Variants in SNTB2 observed in about 807,000 individuals in gnomAD.
The protein encoded by SNTB2 is beta-2-syntrophin.
In SNTB2, 34 loss-of-function variants were observed where a neutral mutation model predicts 46.2. The observed-to-expected ratio is 0.74, with a 90% CI of 0.56 to 0.98. The LOEUF (loss-of-function observed/expected upper bound fraction) is 0.98. Among genes scored for constraint, SNTB2 ranks in the 50% least tolerant of loss-of-function variants. The pLI is 0.00. For synonymous variants in SNTB2, 290 were observed against 312.6 expected (o/e 0.93, Z 0.76); for missense variants, 603 against 731.4 (o/e 0.82, Z 2.02).
chr16:69,254,806 G>A (rs1265824302), intron 2 of SNTB2, among the ~76,000 whole-genome samples: 1 of 152,082 alleles, frequency 6.6e-6, no homozygotes, highest in Non-Finnish European at 1.5e-5. Context: ...GTGAGACCCT[G>A]TCTCTACAAA....
intron 5 of SNTB2, among the ~76,000 whole-genome samples, chr16:69,291,095 C>T (rs901142335): frequency 1.3e-5 from 2 of 152,078 alleles, no homozygotes; most frequent in African/African-American, 4.8e-5. Context: ...TTTCTGTGAC[C>T]CTGGGCATGA....
intron 1 of SNTB2, among the ~76,000 whole-genome samples, chr16:69,238,562 A>G (rs925713744): frequency 5.9e-5 from 9 of 152,194 alleles, no homozygotes; most frequent in Non-Finnish European, 1.3e-4. Flanking sequence ...TTTTTAGCCT[A>G]CACCCATTTC....
intron 1 of SNTB2, among the ~76,000 whole-genome samples, chr16:69,244,945 TAGA>T (rs1964655009): frequency 1.3e-5 from 2 of 152,088 alleles, no homozygotes; most frequent in South Asian, 4.1e-4. Context: ...TGAATGGAAA[TAGA>T]AATACTTAGC....
At chr16:69,278,101 G>C (rs1346046009) in intron 4 of SNTB2, among the ~76,000 whole-genome samples, 1 of 152,188 alleles carries the variant, frequency 6.6e-6, no homozygotes, top group African/African-American at 2.4e-5. Flanking sequence ...AGGATCACTT[G>C]AGCTCAGGAG....
intron 1 of SNTB2, among the ~76,000 whole-genome samples, chr16:69,220,299 C>T (rs1473527725): frequency 1.3e-5 from 2 of 149,656 alleles, no homozygotes; most frequent in African/African-American, 4.9e-5. Flanking sequence ...GTAGCTGGGA[C>T]TACAGGCGCC....
chr16:69,289,504 A>G (rs1383444015), intron 5 of SNTB2, among the ~76,000 whole-genome samples: 1 of 152,208 alleles, frequency 6.6e-6, no homozygotes, highest in Non-Finnish European at 1.5e-5. Context: ...AATGTTCCCA[A>G]CATATAGAAT....
Position 69,187,206 on chromosome 16 carries a change from C to A in SNTB2, c.40C>A (p.Pro14Thr), listed in dbSNP as rs1317999359. 1.4e-6 allele frequency: 2 copies of A among 1,409,862 alleles called. No homozygotes were observed. Among genetic ancestry groups the A allele is most frequent in the Non-Finnish European group, 1.8e-6 (2 of 1,081,190 alleles). The allele number at this position is 1,409,862 out of a possible 1,614,324, so 87.3% of individuals were successfully genotyped here. A position where few individuals can be genotyped will look rare whatever the true frequency, so the allele number is the denominator to read the frequency against. Reference protein sequence around the residue: ...AAATAAAGAGPAMAVWTRATK... With the variant: ...AAATAAAGAGTAMAVWTRATK... ...GGCGACTGCGGCGGCTGGAGCGGGGCCGGCCATGGCGGTGTGGACGCGGGC... is the reference window on the plus strand; with the variant it reads ...GGCGACTGCGGCGGCTGGAGCGGGGACGGCCATGGCGGTGTGGACGCGGGC... The change falls in exon 1 of 7, where the codon CCG (proline) becomes ACG (threonine). Residue 14 changes from proline (P) to threonine (T), a missense_variant. Pro to Thr is a conservative substitution (Grantham distance 38). Coordinates refer to ENST00000336278, the MANE Select transcript of SNTB2 (RefSeq NM_006750.4).
chr16:69,269,242 G>C (rs1291469946), intron 3 of SNTB2, among the ~76,000 whole-genome samples: 3 of 151,092 alleles, frequency 2.0e-5, no homozygotes, highest in Non-Finnish European at 4.4e-5. Context: ...AGATGGGCCA[G>C]GCATGGTGGC....
intron 2 of SNTB2, among the ~76,000 whole-genome samples, chr16:69,253,960 CTGTAG>C (rs908437033): frequency 1.3e-5 from 2 of 152,094 alleles, no homozygotes; most frequent in African/African-American, 4.8e-5. Context: ...TGATTCCTAT[CTGTAG>C]TGCTAAGTAG....
At chr16:69,208,998 G>GTGTGTGTGTGTGTGTGT (rs1567397581) in intron 1 of SNTB2, among the ~76,000 whole-genome samples, 3 of 152,040 alleles carry the variant, frequency 2.0e-5, no homozygotes, top group African/African-American at 7.3e-5. Context: ...GTGTTTTTGA[G>GTGTGTGTGTGTGTGTGT]ATGGAGTCTC....
rs57637291 is a variant in SNTB2 at position 69,279,515 on chromosome 16, C to CTTTTTTTTTTTTTTTTTTTT, written c.1149-4524_1149-4505dup. On this transcript the variant is annotated intron_variant, in intron 4 of 6. Coordinates refer to ENST00000336278, the MANE Select transcript of SNTB2 (RefSeq NM_006750.4). ...TATACCAAGAAGTGGGTCCTTTGCC[C>CTTTTTTTTTTTTTTTTTTTT]TTTTTTTTTTTTTTTTTTTTTTTTT... 3.2e-4 allele frequency among the ~76,000 whole-genome samples: 23 copies of CTTTTTTTTTTTTTTTTTTTT among 71,736 alleles called. 3 individuals carry two copies. The highest frequency in any genetic ancestry group is 4.1e-4 in the Non-Finnish European group (16 of 39,022). 47.1% of individuals were successfully genotyped at this position (71,736 alleles called of 152,430 possible).
At chr16:69,217,998 G>C (rs1260557702) in intron 1 of SNTB2, among the ~76,000 whole-genome samples, 1 of 152,110 alleles carries the variant, frequency 6.6e-6, no homozygotes, top group Non-Finnish European at 1.5e-5. Flanking sequence ...TGTGGTGGCA[G>C]GTGGTAAACA....
chr16:69,275,083 T>G (rs1293834639), intron 4 of SNTB2, among the ~76,000 whole-genome samples: 3 of 151,716 alleles, frequency 2.0e-5, no homozygotes, highest in Non-Finnish European at 2.9e-5. Context: ...TTCTCTCTTT[T>G]TTTTTCTGAC....
At chr16:69,266,348 A>AGT (rs1185119022) in intron 3 of SNTB2, among the ~76,000 whole-genome samples, 1 of 152,220 alleles carries the variant, frequency 6.6e-6, no homozygotes, top group African/African-American at 2.4e-5. Context: ...TGGGCAACAG[A>AGT]GTGAGAGTCT....
intron 1 of SNTB2, among the ~76,000 whole-genome samples, chr16:69,226,224 A>G (rs1232683135): frequency 6.6e-6 from 1 of 152,052 alleles, no homozygotes; most frequent in African/African-American, 2.4e-5. Flanking sequence ...GGCACCCGCC[A>G]TCATGACCAG....
chr16:69,253,429 C>G (rs1964744390), intron 2 of SNTB2, among the ~76,000 whole-genome samples: 1 of 151,310 alleles, frequency 6.6e-6, no homozygotes, highest in South Asian at 2.1e-4. Context: ...GCGGGTGGAT[C>G]ACGAGGTCAG....
chr16:69,187,569 G>A lies in SNTB2; in HGVS notation c.403G>A (p.Glu135Lys). Residue 135 changes from glutamate (E) to lysine (K), a missense_variant, in exon 1 of 7, where the codon GAG (glutamate) becomes AAG (lysine). Transcript: ENST00000336278. ...GGGCATCAGCATCAAGGGCGGCCGC[G>A]AGAACCGGATGCCGATCCTCATCTC... Reference protein sequence around the residue: ...GLGISIKGGRENRMPILISKI... With the variant: ...GLGISIKGGRKNRMPILISKI... 6.6e-7 allele frequency: 1 copy of A among 1,518,294 alleles called. No homozygotes were observed. Among genetic ancestry groups the A allele is most frequent in the South Asian group, 1.2e-5 (1 of 80,258 alleles). 94.1% of individuals were successfully genotyped at this position (1,518,294 alleles called of 1,614,324 possible).
intron 1 of SNTB2, among the ~76,000 whole-genome samples, chr16:69,221,069 AAGTC>A (rs753566923): frequency 1.1e-4 from 17 of 152,192 alleles, no homozygotes; most frequent in Non-Finnish European, 2.4e-4. Context: ...TCTGGTAAGA[AAGTC>A]AGATTTGAAG....
intron 1 of SNTB2, among the ~76,000 whole-genome samples, chr16:69,227,245 C>G (rs1407283995): frequency 2.0e-5 from 3 of 152,204 alleles, no homozygotes; most frequent in African/African-American, 7.2e-5. Context: ...CATAATTCAT[C>G]TAATCAATAT....
Sources: gnomAD v4.1 joint callset for allele counts (sites outside exome capture counted in the v4.1 genomes callset) on GRCh38, gnomAD v4.1.1 for gene constraint, MANE v1.5 for transcripts, NCBI Gene and HGNC (gene_info 2026-07-23, HGNC 2026-07-21) for gene names.